The following MID1 variants were observed in gnomAD, a reference collection of about 807,000 sequenced individuals.
The protein encoded by MID1 is midline 1.
In MID1, 7 loss-of-function variants were observed where a neutral mutation model predicts 40.4. The ratio of observed to expected loss-of-function variants is 0.17; its 90% CI spans 0.10 to 0.33. The LOEUF is 0.33. Ranked by LOEUF, MID1 falls within the 10% of genes least tolerant of loss-of-function variation. MID1 has a pLI of 1.00. For synonymous variants in MID1, 229 were observed against 221.2 expected, an observed-to-expected ratio of 1.04 and a Z score of -0.31; for missense variants, 367 against 558.5, an observed-to-expected ratio of 0.66 and a Z score of 3.46.
chrX:10,529,479 C>T (rs911820209), intron 2 of MID1, among the ~76,000 whole-genome samples: 2 of 112,358 alleles, frequency 1.8e-5, no homozygotes, highest in Non-Finnish European at 3.8e-5. Flanking sequence ...TGTGCAATGT[C>T]CTAAATCTCA....
intron 1 of MID1, among the ~76,000 whole-genome samples, chrX:10,634,497 G>A (rs1936087382): frequency 9.1e-6 from 1 of 110,374 alleles, no homozygotes; most frequent in Non-Finnish European, 1.9e-5. Flanking sequence ...TATCCTTCCT[G>A]GTAACTATTC....
At chrX:10,478,127 A>G (rs1055042437) in intron 5 of MID1, among the ~76,000 whole-genome samples, 1 of 112,291 alleles carries the variant, frequency 8.9e-6, no homozygotes, top group African/African-American at 3.2e-5. Context: ...CCTTCTTGAT[A>G]CAGATAAGTT....
At chrX:10,629,743 G>A (rs886348658) in intron 1 of MID1, among the ~76,000 whole-genome samples, 1 of 112,240 alleles carries the variant, frequency 8.9e-6, no homozygotes, top group African/African-American at 3.2e-5. Flanking sequence ...AGTGGAATAC[G>A]TTTGTGTGAT....
intron 8 of MID1, among the ~76,000 whole-genome samples, chrX:10,458,070 C>T (rs1928791150): frequency 1.8e-5 from 2 of 112,430 alleles, no homozygotes; most frequent in South Asian, 7.3e-4. Context: ...AGAAGCACAC[C>T]TTAGGGAGTT....
chrX:10,826,553 A>G (rs1295317729), intron 1 of MID1, among the ~76,000 whole-genome samples: 1 of 112,057 alleles, frequency 8.9e-6, no homozygotes, highest in East Asian at 2.8e-4. Context: ...AAACTCCCTC[A>G]TAGAGTCTGG....
chrX:10,748,685 C>T lies in MID1; in HGVS notation c.-187+84869G>A, dbSNP rs775917255. On this transcript the variant is annotated intron_variant, in intron 1 of 10. Coordinates refer to the MID1 transcript ENST00000380785. ...AACTAATTTCAAGGTTATCAATATA[C>T]GCATTGGTGATTGTGTAGCATGTAT... Among the ~76,000 whole-genome samples, 9 of 111,915 alleles carry T rather than the reference C, an allele frequency of 8.0e-5. No individual in the cohort carries two copies. In the South Asian group the frequency reaches 2.6e-3, roughly 33 times the overall value.
chrX:10,623,296 G>GAA (rs1555910893), upstream of MID1, among the ~76,000 whole-genome samples: 5 of 85,369 alleles, frequency 5.9e-5, no homozygotes, highest in African/African-American at 2.3e-4. Flanking sequence ...AAAAGAAAGA[G>GAA]AGAAAGAAAG....
chrX:10,534,711 A>G (rs1376216685), intron 2 of MID1, among the ~76,000 whole-genome samples: 2 of 111,906 alleles, frequency 1.8e-5, no homozygotes, highest in Non-Finnish European at 3.8e-5. Context: ...GTGGTACAAA[A>G]AAATATTTAA....
chrX:10,544,757 C>T (rs1284970548), intron 2 of MID1, among the ~76,000 whole-genome samples: 1 of 111,782 alleles, frequency 8.9e-6, no homozygotes, highest in Non-Finnish European at 1.9e-5. Context: ...TCTTATCTAG[C>T]TCTCTACCAA....
chrX:10,801,852 A>C (rs1192900072), intron 1 of MID1, among the ~76,000 whole-genome samples: 4 of 112,194 alleles, frequency 3.6e-5, no homozygotes, highest in Non-Finnish European at 7.5e-5. Context: ...GACAAGTGGG[A>C]CTTAATTAAA....
Position 10,668,526 on chromosome X carries a change from A to T in MID1, c.-186-48107T>A, listed in dbSNP as rs896765863. Among the ~76,000 whole-genome samples the T allele has an allele frequency of 2.7e-5, 3 of 112,246 alleles. No homozygotes were observed. The East Asian group carries it at 8.3e-4, about 31-fold the overall frequency. ...GACGGATGATTTCCTTTTACTTAGA[A>T]GTTTTAGAATGTTTGCTCTTGCTGT... is the stretch of plus-strand genomic sequence containing the variant. On this transcript the variant is annotated intron_variant, in intron 1 of 10. Coordinates refer to the MID1 transcript ENST00000380785.
intron 1 of MID1, among the ~76,000 whole-genome samples, chrX:10,579,346 C>A (rs1365489584): frequency 1.8e-5 from 2 of 111,486 alleles, no homozygotes; most frequent in African/African-American, 3.3e-5. Context: ...ATATAATACT[C>A]TCCTAGAAGG....
At chrX:10,530,204 ATCAACT>A (rs1932924701) in intron 2 of MID1, among the ~76,000 whole-genome samples, 1 of 112,093 alleles carries the variant, frequency 8.9e-6, no homozygotes, top group African/African-American at 3.2e-5. Context: ...TCACTAACAC[ATCAACT>A]TCAAGTTCCA....
At chrX:10,553,247 A>T (rs1016119777) in intron 2 of MID1, among the ~76,000 whole-genome samples, 12 of 95,182 alleles carry the variant, frequency 1.3e-4, no homozygotes, top group Middle Eastern at 4.7e-3. Flanking sequence ...GACTCTATCT[A>T]AAAAAAAAAA....
chrX:10,673,481 T>C (rs779783127), intron 1 of MID1, among the ~76,000 whole-genome samples: 1 of 111,929 alleles, frequency 8.9e-6, no homozygotes, highest in Non-Finnish European at 1.9e-5. Context: ...TAACCTAATA[T>C]GATGTTTCTA....
chrX:10,483,962 A>G (rs1027369412), intron 4 of MID1, among the ~76,000 whole-genome samples: 1 of 112,249 alleles, frequency 8.9e-6, no homozygotes, highest in Non-Finnish European at 1.9e-5. Flanking sequence ...TTTAGGGCAA[A>G]TAATATAGGA....
chrX:10,827,429 A>C, intron 1 of MID1, among the ~76,000 whole-genome samples: 1 of 107,713 alleles, frequency 9.3e-6, no homozygotes, highest in Non-Finnish European at 1.9e-5. Flanking sequence ...GGAAGGAGGA[A>C]AGATTCCTGC....
At chrX:10,644,876 C>T (rs746983114) in intron 1 of MID1, among the ~76,000 whole-genome samples, 5 of 112,025 alleles carry the variant, frequency 4.5e-5, no homozygotes, top group Non-Finnish European at 9.4e-5. Context: ...TTTTAAACCT[C>T]TCTTGTCTTC....
intron 1 of MID1, among the ~76,000 whole-genome samples, chrX:10,824,629 A>G (rs183242287): frequency 4.0e-4 from 45 of 112,573 alleles, no homozygotes; most frequent in African/African-American, 1.4e-3. Context: ...TCCCTTTGGG[A>G]CATACTATTC....
Sources: gnomAD v4.1 joint callset for allele counts (sites outside exome capture counted in the v4.1 genomes callset) on GRCh38, gnomAD v4.1.1 for gene constraint, MANE v1.5 for transcripts, NCBI Gene and HGNC (gene_info 2026-07-23, HGNC 2026-07-21) for gene names.